Variants in HAT1 observed in about 807,000 individuals in gnomAD.
HAT1 encodes the protein histone acetyltransferase 1.
Under a neutral mutation model 56.6 loss-of-function variants are expected in HAT1, and 20 were observed. That is an observed-to-expected ratio of 0.35 (90% CI 0.25 to 0.51). The LOEUF (loss-of-function observed/expected upper bound fraction) is 0.51, where lower values mean the gene tolerates loss of function less well. HAT1 is among the 20% of genes least tolerant of loss of function. HAT1 has a pLI of 0.95. For synonymous variants in HAT1, 146 were observed against 165.5 expected, an observed-to-expected ratio of 0.88 and a Z score of 0.91; for missense variants, 408 against 504.3, an observed-to-expected ratio of 0.81 and a Z score of 1.83.
At chr2:171,941,107 A>G (rs1050121813) in intron 2 of HAT1, among the ~76,000 whole-genome samples, 1 of 152,164 alleles carries the variant, frequency 6.6e-6, no homozygotes, top group Non-Finnish European at 1.5e-5. Context: ...GTAGCTGTAC[A>G]ATGGAACTAC....
intron 2 of HAT1, among the ~76,000 whole-genome samples, chr2:171,939,274 ATC>A: frequency 6.6e-6 from 1 of 152,116 alleles, no homozygotes; most frequent in East Asian, 1.9e-4. Flanking sequence ...GCCTTTCAAA[ATC>A]TCTGCTAATG....
At chr2:171,942,221 G>A (rs1414636267) in intron 2 of HAT1, among the ~76,000 whole-genome samples, 4 of 152,088 alleles carry the variant, frequency 2.6e-5, no homozygotes, top group Non-Finnish European at 5.9e-5. Flanking sequence ...TAGGTTTTTA[G>A]TGCTTATTTT....
At position 171,949,449 on chromosome 2, in the gene HAT1, G is replaced by A. The variant is rs545289961; in HGVS notation, c.188+2666G>A. On this transcript the variant is annotated intron_variant, in intron 3 of 10. Coordinates refer to ENST00000264108, the MANE Select transcript of HAT1 (RefSeq NM_003642.4). ...TCCCAAAACTTTGGGAGGCCGAGGC[G>A]GGAGGTTTGCCTGAGCCAGGAGTTT... Among the ~76,000 whole-genome samples, 5 of 152,166 alleles carry A rather than the reference G, an allele frequency of 3.3e-5. No individual in the cohort carries two copies. In the East Asian group the frequency reaches 5.8e-4, roughly 18 times the overall value.
intron 9 of HAT1, among the ~76,000 whole-genome samples, chr2:171,978,489 C>T (rs1398144993): frequency 6.6e-6 from 1 of 152,116 alleles, no homozygotes; most frequent in Non-Finnish European, 1.5e-5. Flanking sequence ...AATCCTTGCC[C>T]TTAGACTAGA....
chr2:171,939,812 A>C (rs193028545), intron 2 of HAT1, among the ~76,000 whole-genome samples: 144 of 151,060 alleles, frequency 9.5e-4, no homozygotes, highest in African/African-American at 3.2e-3. Context: ...TTTTTTTTTA[A>C]GACAGGGTCT....
chr2:171,973,517 G>A (rs553419022), intron 8 of HAT1, among the ~76,000 whole-genome samples: 21 of 152,050 alleles, frequency 1.4e-4, no homozygotes, highest in Admixed American at 2.6e-4. Flanking sequence ...TAATCCAGGA[G>A]TCTCAAAATC....
intron 4 of HAT1, among the ~76,000 whole-genome samples, chr2:171,956,693 G>A (rs4280428): frequency 0.43 from 64,551 of 151,776 alleles, 15,296 homozygotes; most frequent in Middle Eastern, 0.58. Context: ...AATGAACTTG[G>A]ATGTTTAGCT....
chr2:171,966,802 T>C, intron 7 of HAT1, 41 bp from the exon 8 acceptor site: 1 of 916,824 alleles, frequency 1.1e-6, no homozygotes, highest in Non-Finnish European at 1.8e-6. Flanking sequence ...AAACTGGTCA[T>C]GTTATGATAT....
At position 171,965,524 on chromosome 2, in the gene HAT1, A is replaced by C. The variant is rs371454622; in HGVS notation, c.489+7A>C. The C allele has an allele frequency of 1.4e-6, 2 of 1,477,028 alleles. No individual in the cohort carries two copies. Among genetic ancestry groups the C allele is most frequent in the African/African-American group, 2.8e-5 (2 of 70,770 alleles). The allele number at this position is 1,477,028 out of a possible 1,614,324, so 91.5% of individuals were successfully genotyped here. ...TACCTTTCAGATATATAAGGTAAAG[A>C]TAAATCTAAATATTTATTGAGTAAA... On this transcript the variant is annotated splice_region_variant and intron_variant, in intron 5 of 10. Coordinates refer to ENST00000264108, the MANE Select transcript of HAT1 (RefSeq NM_003642.4).
At chr2:171,955,666 C>T (rs1687421522) in intron 4 of HAT1, among the ~76,000 whole-genome samples, 1 of 151,888 alleles carries the variant, frequency 6.6e-6, no homozygotes, top group African/African-American at 2.4e-5. Context: ...TTGGTTAGGG[C>T]TCAGAATGAA....
At chr2:171,938,024 T>TTCTCTCTCTCTCTCTCTCTCTC (rs374402453) in intron 2 of HAT1, among the ~76,000 whole-genome samples, 19 of 104,832 alleles carry the variant, frequency 1.8e-4, no homozygotes, top group Non-Finnish European at 2.8e-4. Context: ...TGTCTACTGA[T>TTCTCTCTCTCTCTCTCTCTCTC]TCTCTCTCTC....
At chr2:171,955,483 C>T (rs1687417517) in intron 4 of HAT1, among the ~76,000 whole-genome samples, 1 of 151,592 alleles carries the variant, frequency 6.6e-6, no homozygotes, top group Admixed American at 6.6e-5. Flanking sequence ...TGGTGGCAGG[C>T]ACATGTAATC....
chr2:171,978,284 C>T (rs138504358), intron 9 of HAT1, among the ~76,000 whole-genome samples: 3 of 152,064 alleles, frequency 2.0e-5, no homozygotes, highest in African/African-American at 4.8e-5. Context: ...TAGGCTCAAG[C>T]GATCTGCCCA....
chr2:171,957,952 T>G (rs1309185181), intron 4 of HAT1, among the ~76,000 whole-genome samples: 1 of 152,216 alleles, frequency 6.6e-6, no homozygotes, highest in African/African-American at 2.4e-5. Flanking sequence ...ATAACTTTCC[T>G]CTGCAGAAGT....
chr2:171,966,688 A>G (rs1202677469), intron 7 of HAT1, 155 bp from the exon 8 acceptor site: 5 of 623,922 alleles, frequency 8.0e-6, no homozygotes, highest in Admixed American at 5.9e-5. Flanking sequence ...AGATTAAACT[A>G]ATTTTGAGTA....
chr2:171,946,069 G>T (rs1330591065), intron 2 of HAT1, among the ~76,000 whole-genome samples: 2 of 152,326 alleles, frequency 1.3e-5, no homozygotes, highest in South Asian at 4.1e-4. Context: ...CTCCCAAAGT[G>T]CTGGGATTAC....
At chr2:171,964,892 T>C (rs1017210628) in intron 4 of HAT1, 1 of 152,864 alleles carries the variant, frequency 6.5e-6, no homozygotes, top group African/African-American at 2.4e-5. Flanking sequence ...GTGACCCATC[T>C]AGTTGTGAGA....
intron 9 of HAT1, among the ~76,000 whole-genome samples, chr2:171,978,359 T>C (rs544492814): frequency 1.3e-5 from 2 of 152,344 alleles, no homozygotes; most frequent in East Asian, 3.9e-4. Flanking sequence ...GTCTGCTTTT[T>C]AACTGTCACT....
At chr2:171,952,750 G>T in intron 3 of HAT1, 131 bp from the exon 4 acceptor site, 1 of 518,304 alleles carries the variant, frequency 1.9e-6, no homozygotes. Context: ...ACATTTTATT[G>T]TAGATTTTTT....
Sources: gnomAD v4.1 joint callset for allele counts (sites outside exome capture counted in the v4.1 genomes callset) on GRCh38, gnomAD v4.1.1 for gene constraint, MANE v1.5 for transcripts, NCBI Gene and HGNC (gene_info 2026-07-23, HGNC 2026-07-21) for gene names.